Variants in PDE4B observed in about 807,000 individuals in gnomAD.
PDE4B encodes 3',5'-cyclic-AMP phosphodiesterase 4B.
In PDE4B, 20 loss-of-function variants were observed where a neutral mutation model predicts 82.2. The ratio of observed to expected loss-of-function variants is 0.24; its 90% CI spans 0.17 to 0.35. The LOEUF (loss-of-function observed/expected upper bound fraction) is 0.35. Among genes scored for constraint, PDE4B ranks in the 10% least tolerant of loss-of-function variants. The pLI is 1.00. For synonymous variants in PDE4B, 320 were observed against 318.9 expected, an observed-to-expected ratio of 1.00 and a Z score of -0.04; for missense variants, 655 against 907.2, an observed-to-expected ratio of 0.72 and a Z score of 3.57.
chr1:65,835,183 T>C (rs972934261), intron 1 of PDE4B, among the ~76,000 whole-genome samples: 1 of 152,156 alleles, frequency 6.6e-6, no homozygotes, highest in South Asian at 2.1e-4. Flanking sequence ...GAGACTGAAA[T>C]TGCTTTCTGT....
intron 7 of PDE4B, 194 bp from the exon 8 acceptor site, chr1:66,332,314 C>A: frequency 6.4e-7 from 1 of 1,562,230 alleles, no homozygotes; most frequent in Non-Finnish European, 8.7e-7. Flanking sequence ...TTGGCACCAG[C>A]CATCCCAGGC....
At chr1:66,268,667 C>CAAAAAAAAAAAAAAAAAAA (rs36046564) in intron 7 of PDE4B, among the ~76,000 whole-genome samples, 31 of 61,208 alleles carry the variant, frequency 5.1e-4, no homozygotes, top group East Asian at 1.1e-3. Flanking sequence ...GACTCCATCT[C>CAAAAAAAAAAAAAAAAAAA]AAAAAAAAAA....
intron 1 of PDE4B, among the ~76,000 whole-genome samples, chr1:65,828,851 G>A (rs935450447): frequency 6.6e-6 from 1 of 152,108 alleles, no homozygotes; most frequent in African/African-American, 2.4e-5. Flanking sequence ...TAATAAAAAT[G>A]TTCAGTTCAG....
intron 3 of PDE4B, among the ~76,000 whole-genome samples, chr1:66,231,846 A>G (rs1651974971): frequency 1.3e-5 from 2 of 152,222 alleles, no homozygotes; most frequent in Admixed American, 6.5e-5. Context: ...ATCAAAGCCT[A>G]TCACGGTGAT....
intron 3 of PDE4B, among the ~76,000 whole-genome samples, chr1:66,165,445 A>G (rs946543375): frequency 6.6e-6 from 1 of 152,122 alleles, no homozygotes; most frequent in Non-Finnish European, 1.5e-5. Context: ...ATTCATCGTA[A>G]AAGAACTTAA....
At position 66,367,777 on chromosome 1, in the gene PDE4B, A is replaced by C; in HGVS notation, c.1466A>C (p.Glu489Ala). Residue 489 changes from glutamate (E) to alanine (A), a missense_variant, in exon 14 of 17, where the codon GAA (glutamate) becomes GCA (alanine). By Grantham distance (107) the Glu-to-Ala change is moderately radical (BLOSUM62 -1). This residue lies in a region of PDE4B where 283 missense variants were observed against 516.4 expected (regional missense o/e 0.55). Transcript: ENST00000341517. The stretch of plus-strand genomic sequence containing the variant: ...GCTGTGGGTTTCAAACTGCTGCAAG[A>C]AGAACACTGTGACATCTTCATGAAT... ...HLAVGFKLLQ[E>A]EHCDIFMNLT... 6.2e-7 allele frequency: 1 copy of C among 1,613,892 alleles called. No homozygotes were observed.
chr1:65,992,662 A>G, intron 3 of PDE4B: 4 of 1,175,526 alleles, frequency 3.4e-6, no homozygotes, highest in Non-Finnish European at 4.3e-6. Flanking sequence ...GGCTACTGAC[A>G]TTGGAAGCAC....
chr1:66,341,476 G>T (rs1050913073), intron 8 of PDE4B, among the ~76,000 whole-genome samples: 1 of 152,180 alleles, frequency 6.6e-6, no homozygotes, highest in Admixed American at 6.5e-5. Flanking sequence ...AATTTAGTAT[G>T]CCTGAAAATT....
chr1:65,808,951 T>C (rs971600983), intron 1 of PDE4B, among the ~76,000 whole-genome samples: 2 of 152,152 alleles, frequency 1.3e-5, no homozygotes, highest in African/African-American at 4.8e-5. Context: ...GCTTTTACAA[T>C]ATGTTTAGGT....
intron 3 of PDE4B, among the ~76,000 whole-genome samples, chr1:66,069,315 C>T (rs1656033352): frequency 6.6e-6 from 1 of 151,994 alleles, no homozygotes; most frequent in Non-Finnish European, 1.5e-5. Flanking sequence ...TTATGCCACT[C>T]ATAAAGCTTC....
At chr1:65,853,677 G>C (rs1019515734) in intron 1 of PDE4B, among the ~76,000 whole-genome samples, 1 of 151,980 alleles carries the variant, frequency 6.6e-6, no homozygotes, top group African/African-American at 2.4e-5. Flanking sequence ...CTACAGGCAT[G>C]CACCACCACG....
intron 3 of PDE4B, among the ~76,000 whole-genome samples, chr1:66,222,558 C>G (rs935439644): frequency 6.6e-6 from 1 of 152,144 alleles, no homozygotes; most frequent in Admixed American, 6.6e-5. Context: ...ATCTTATGGT[C>G]TAAAGGAGAA....
intron 3 of PDE4B, among the ~76,000 whole-genome samples, chr1:66,024,326 A>G (rs1653315198): frequency 6.6e-6 from 1 of 152,134 alleles, no homozygotes; most frequent in Non-Finnish European, 1.5e-5. Flanking sequence ...GAAGTGCTTC[A>G]GAGATCATCT....
chr1:66,343,625 A>G (rs144531407), intron 8 of PDE4B, among the ~76,000 whole-genome samples: 9 of 152,372 alleles, frequency 5.9e-5, no homozygotes, highest in Admixed American at 5.9e-4. Context: ...AATACATGCC[A>G]AGGAGGCATA....
chr1:66,068,171 C>A (rs947511355), intron 3 of PDE4B, among the ~76,000 whole-genome samples: 10 of 151,618 alleles, frequency 6.6e-5, no homozygotes, highest in African/African-American at 2.4e-4. Flanking sequence ...ATTGTTCTCG[C>A]TTCCGTGAAA....
intron 3 of PDE4B, among the ~76,000 whole-genome samples, chr1:66,154,028 A>G (rs1291612485): frequency 6.6e-6 from 1 of 152,094 alleles, no homozygotes; most frequent in Non-Finnish European, 1.5e-5. Flanking sequence ...TAACTTTTTA[A>G]AATTCTTTTC....
chr1:66,112,911 G>A (rs1645518043), intron 3 of PDE4B: 1 of 152,182 alleles, frequency 6.6e-6, no homozygotes, highest in East Asian at 1.9e-4. Flanking sequence ...TTAAAACTGG[G>A]TCTTCCACTT....
chr1:66,039,505 C>T (rs1654246281), intron 3 of PDE4B, among the ~76,000 whole-genome samples: 1 of 152,046 alleles, frequency 6.6e-6, no homozygotes, highest in South Asian at 2.1e-4. Context: ...GCTGTTCTAA[C>T]AGGTTCACCA....
At chr1:66,016,157 G>T (rs936002079) in intron 3 of PDE4B, among the ~76,000 whole-genome samples, 1 of 152,150 alleles carries the variant, frequency 6.6e-6, no homozygotes. Flanking sequence ...ACTTCATGGA[G>T]TTGTTGTGAG....
Sources: gnomAD v4.1 joint callset for allele counts (sites outside exome capture counted in the v4.1 genomes callset) on GRCh38, gnomAD v4.1.1 for gene constraint, gnomAD v4.1.1 regional missense constraint, MANE v1.5 for transcripts, NCBI Gene and HGNC (gene_info 2026-07-23, HGNC 2026-07-21) for gene names.